NUP210: variants seen among roughly 807,000 people sequenced by gnomAD.
NUP210 encodes nucleoporin 210, also known as nuclear pore membrane glycoprotein 210.
A neutral mutation model predicts 196.0 loss-of-function variants in NUP210; 151 were observed. The observed-to-expected ratio is 0.77, with a 90% CI of 0.67 to 0.88. The LOEUF (loss-of-function observed/expected upper bound fraction) is 0.88. NUP210 is among the 40% of genes least tolerant of loss of function. The probability of loss-of-function intolerance (pLI) is 0.00; values close to 1 mark genes in which losing one functional copy is unlikely to be tolerated. For synonymous variants in NUP210, 1,070 were observed against 1,052.7 expected (o/e 1.02, Z -0.32); for missense variants, 2,314 against 2,493.7 (o/e 0.93, Z 1.53).
chr3:13,374,012 G>T, intron 11 of NUP210, 139 bp from the exon 12 acceptor site: 1 of 980,732 alleles, frequency 1.0e-6, no homozygotes, highest in Non-Finnish European at 1.5e-6. Flanking sequence ...GTTCACCCAT[G>T]CACACACTCA....
rs764988330 is a variant in NUP210, at chr3:13,366,070, TCA to T, written c.1806_1807del (p.Glu603AlafsTer62). On this transcript the variant is annotated frameshift_variant, in exon 14 of 40. Transcript: ENST00000254508. LOFTEE classifies it high-confidence loss of function. ...CTTTACCCGGATGCCGCTGCAGTGC[TCA>T]GAGCCTGGCGGCAGCCTCCCTACAG... The T allele has an allele frequency of 4.3e-6, 7 of 1,614,000 alleles. No homozygotes were observed. Among genetic ancestry groups the T allele is most frequent in the Non-Finnish European group, 5.9e-6 (7 of 1,179,926 alleles).
intron 33 of NUP210, 43 bp downstream of exon 33, chr3:13,325,752 C>T: frequency 6.2e-7 from 1 of 1,604,812 alleles, no homozygotes; most frequent in Non-Finnish European, 8.5e-7. Context: ...GCCCGCCTCA[C>T]AGGCCACTGA....
intron 1 of NUP210, among the ~76,000 whole-genome samples, chr3:13,418,451 G>C (rs1009087948): frequency 1.3e-5 from 2 of 152,136 alleles, no homozygotes; most frequent in African/African-American, 4.8e-5. Flanking sequence ...AAATTGGCCA[G>C]ACAAGCCAGG....
rs547652942 is a variant in NUP210, at chr3:13,350,375, T to C, written c.2835+1504A>G. ...CTCCAGCATGGGGATGGGGAATCAG[T>C]ACCCAGAGTTTCTACAATACATTAC... is the stretch of plus-strand genomic sequence containing the variant. On this transcript the variant is annotated intron_variant, in intron 20 of 39. Transcript: ENST00000254508. The surrounding 1 kb of genome is among the most constrained non-coding windows in gnomAD (Gnocchi z 4.1). 6.6e-6 allele frequency among the ~76,000 whole-genome samples: 1 copy of C among 152,140 alleles called. No homozygotes were observed. Among genetic ancestry groups the C allele is most frequent in the South Asian group, 2.1e-4 (1 of 4,812 alleles).
intron 1 of NUP210, among the ~76,000 whole-genome samples, chr3:13,412,506 G>T (rs1700210527): frequency 6.6e-6 from 1 of 152,034 alleles, no homozygotes; most frequent in African/African-American, 2.4e-5. Flanking sequence ...CTGAGGTCGG[G>T]AGTTCGAGAC....
In NUP210 at chr3:13,378,581, T is replaced by C. The variant is rs571612850; in HGVS notation, c.1045+331A>G. Among the ~76,000 whole-genome samples, 11 of 152,368 alleles carry C rather than the reference T, an allele frequency of 7.2e-5. No homozygotes were observed. In the South Asian group the frequency reaches 2.3e-3, roughly 32 times the overall value. ...GGTCCCTCTATAATTGAGCTGACAC[T>C]GGGCCCCAACCTCTAAATGTCCATA... On this transcript the variant is annotated intron_variant, in intron 8 of 39. Coordinates refer to ENST00000254508, the MANE Select transcript of NUP210 (RefSeq NM_024923.4).
intron 17 of NUP210, 27 bp downstream of exon 17, chr3:13,353,887 TG>T: frequency 6.3e-7 from 1 of 1,587,560 alleles, no homozygotes; most frequent in South Asian, 1.1e-5. Flanking sequence ...TTCTCCTGCC[TG>T]GGCCATCAGG....
At chr3:13,369,827 T>G (rs531818101) in intron 13 of NUP210, among the ~76,000 whole-genome samples, 1 of 152,176 alleles carries the variant, frequency 6.6e-6, no homozygotes, top group East Asian at 1.9e-4. Flanking sequence ...CCAGGGGCTT[T>G]CAAGAAGATG....
rs2124921597 is a variant in NUP210 at position 13,379,527 on chromosome 3, C to T, written c.976+36G>A. The T allele has an allele frequency of 1.2e-6, 2 of 1,613,356 alleles. No individual in the cohort carries two copies. Among genetic ancestry groups the T allele is most frequent in the Non-Finnish European group, 1.7e-6 (2 of 1,179,798 alleles). ...CTTGACTTCCAAACAGCAGCTCCGC[C>T]ATGCCTAAGAACACACAAGCCCAAG... On this transcript the variant is annotated intron_variant, in intron 7 of 39. Transcript: ENST00000254508. The surrounding 1 kb of genome is among the most constrained non-coding windows in gnomAD (Gnocchi z 4.2).
chr3:13,352,011 C>T, intron 19 of NUP210, 31 bp from the exon 20 acceptor site: 1 of 1,606,692 alleles, frequency 6.2e-7, no homozygotes, highest in Non-Finnish European at 8.5e-7. Flanking sequence ...GAGGGTTGGG[C>T]CGCATGTGGG....
chr3:13,318,011 G>A (rs940747015), intron 39 of NUP210, among the ~76,000 whole-genome samples: 3 of 152,144 alleles, frequency 2.0e-5, no homozygotes, highest in Non-Finnish European at 4.4e-5. Flanking sequence ...AGAGCCTTCC[G>A]GGGAGAACGT....
At chr3:13,385,032 T>A (rs751958366) in intron 6 of NUP210, among the ~76,000 whole-genome samples, 7 of 152,150 alleles carry the variant, frequency 4.6e-5, no homozygotes, top group Non-Finnish European at 8.8e-5. Context: ...TCAAGAAACA[T>A]GAGTTTGCTT....
At chr3:13,399,508 AG>A (rs1164402576) in intron 2 of NUP210, among the ~76,000 whole-genome samples, 1 of 152,196 alleles carries the variant, frequency 6.6e-6, no homozygotes, top group African/African-American at 2.4e-5. Context: ...AAATTTAGCA[AG>A]CCAGCCTCCA....
At chr3:13,410,929 A>AT (rs1559351139) in intron 1 of NUP210, among the ~76,000 whole-genome samples, 7 of 147,990 alleles carry the variant, frequency 4.7e-5, no homozygotes, top group African/African-American at 1.8e-4. Flanking sequence ...AAAAAAAAAA[A>AT]AAAAAAAATT....
chr3:13,396,021 C>T (rs1699638645), intron 3 of NUP210, among the ~76,000 whole-genome samples: 1 of 152,204 alleles, frequency 6.6e-6, no homozygotes, highest in Non-Finnish European at 1.5e-5. Flanking sequence ...TCTCACAGGT[C>T]AGAAGGCAGT....
chr3:13,373,798 T>C lies in NUP210; in HGVS notation c.1507A>G (p.Met503Val). ...LVATVTVKGVMTTGSDIGFSV... is the reference protein window; with the variant it reads ...LVATVTVKGVVTTGSDIGFSV... ...AACCCGATGTCACTGCCTGTGGTCA[T>C]CACGCCCTTGACAGTAACTGTGGCA... The change falls in exon 12 of 40, where the codon ATG becomes GTG. Residue 503 changes from methionine (M) to valine (V), a missense_variant. Transcript: ENST00000254508. 3 of 1,614,138 alleles carry C rather than the reference T, an allele frequency of 1.9e-6. No homozygotes were observed. Among genetic ancestry groups the C allele is most frequent in the Non-Finnish European group, 2.5e-6 (3 of 1,179,998 alleles).
intron 16 of NUP210, 176 bp from the exon 17 acceptor site, chr3:13,354,283 G>T: frequency 3.3e-6 from 2 of 611,974 alleles, no homozygotes; most frequent in Non-Finnish European, 5.7e-6. Flanking sequence ...TCCCCCCATG[G>T]CCCTGTCCAA....
chr3:13,341,727 T>C, intron 23 of NUP210, 21 bp downstream of exon 23: 1 of 1,613,782 alleles, frequency 6.2e-7, no homozygotes, highest in Non-Finnish European at 8.5e-7. Context: ...TCCCACATGG[T>C]GTGGGAAGAA....
At chr3:13,354,160 C>T in intron 16 of NUP210, 53 bp from the exon 17 acceptor site, 1 of 1,461,626 alleles carries the variant, frequency 6.8e-7, no homozygotes, top group Non-Finnish European at 9.3e-7. Context: ...TGGACCTGGA[C>T]ACTGACCACG....
Sources: allele counts gnomAD v4.1 joint callset (sites outside exome capture counted in the v4.1 genomes callset), GRCh38; gene constraint gnomAD v4.1.1; non-coding constraint Gnocchi (gnomAD v3.1); transcripts MANE v1.5; gene names NCBI Gene and HGNC (gene_info 2026-07-23, HGNC 2026-07-21).